The following ADK variants were observed in gnomAD, a reference collection of about 807,000 sequenced individuals.
The protein encoded by ADK is N6,N6-dimethyladenosine kinase.
A neutral mutation model predicts 44.7 loss-of-function variants in ADK; 24 were observed. The ratio of observed to expected loss-of-function variants is 0.54; its 90% CI spans 0.39 to 0.76. ADK has a LOEUF of 0.76. ADK is among the 30% of genes least tolerant of loss of function. ADK has a pLI of 0.00. For missense variants in ADK, 321 were observed against 425.1 expected, an observed-to-expected ratio of 0.76 and a Z score of 2.15; for synonymous variants, 128 against 142.6, an observed-to-expected ratio of 0.90 and a Z score of 0.73.
intron 9 of ADK, among the ~76,000 whole-genome samples, chr10:74,646,380 A>G (rs749996703): frequency 6.6e-6 from 1 of 152,248 alleles, no homozygotes; most frequent in Non-Finnish European, 1.5e-5. Flanking sequence ...CCCATTGGAC[A>G]TGAGAGTAGG....
chr10:74,581,021 T>TACACAC lies in ADK; in HGVS notation c.727-8232_727-8227dup, dbSNP rs143153735. Among the ~76,000 whole-genome samples, 1,294 of 145,320 alleles carry TACACAC rather than the reference T, an allele frequency of 8.9e-3. 7 individuals are homozygous for TACACAC. The highest frequency in any genetic ancestry group is 0.02 in the African/African-American group (778 of 39,264). On this transcript the variant is annotated intron_variant, in intron 7 of 10. Transcript: ENST00000539909. Reference sequence around the variant, plus strand: ...CCTATCTCAGTCAATCAATAATAAATACACACACACACACACACACACACA... The same window carrying TACACAC: ...CCTATCTCAGTCAATCAATAATAAATACACACACACACACACACACACACACACACA...
chr10:74,414,643 G>A (rs1214095229), intron 6 of ADK, among the ~76,000 whole-genome samples: 2 of 152,140 alleles, frequency 1.3e-5, no homozygotes, highest in East Asian at 3.9e-4. Flanking sequence ...GCTGAGGCAG[G>A]AGAATGGCTT....
intron 6 of ADK, among the ~76,000 whole-genome samples, chr10:74,430,383 A>C (rs1352783266): frequency 6.6e-6 from 1 of 152,172 alleles, no homozygotes; most frequent in Non-Finnish European, 1.5e-5. Flanking sequence ...ACCTATTGAA[A>C]GACATCTTGG....
chr10:74,386,989 C>A (rs932443241), intron 4 of ADK, among the ~76,000 whole-genome samples: 3 of 150,982 alleles, frequency 2.0e-5, no homozygotes, highest in Non-Finnish European at 4.4e-5. Flanking sequence ...CAGGCTGTAG[C>A]GCAGTGGCGG....
intron 7 of ADK, among the ~76,000 whole-genome samples, chr10:74,563,782 T>C (rs1418401788): frequency 6.6e-6 from 1 of 152,240 alleles, no homozygotes; most frequent in Non-Finnish European, 1.5e-5. Flanking sequence ...GTGGATACTG[T>C]TGTATAATAA....
chr10:74,293,738 A>G (rs1373495113), intron 3 of ADK, among the ~76,000 whole-genome samples: 1 of 152,224 alleles, frequency 6.6e-6, no homozygotes, highest in Non-Finnish European at 1.5e-5. Flanking sequence ...ATTTTCATAG[A>G]TGCTAGAAGA....
At chr10:74,285,858 A>G (rs1162012560) in intron 3 of ADK, among the ~76,000 whole-genome samples, 1 of 152,182 alleles carries the variant, frequency 6.6e-6, no homozygotes. Flanking sequence ...GGTTATAGTC[A>G]GGTTGGGACT....
intron 6 of ADK, among the ~76,000 whole-genome samples, chr10:74,493,584 A>G (rs1045840050): frequency 1.3e-5 from 2 of 149,996 alleles, no homozygotes; most frequent in Admixed American, 1.3e-4. Flanking sequence ...AGGTCTCCAT[A>G]TGTTGCCCAG....
chr10:74,670,307 A>C, intron 10 of ADK, 38 bp downstream of exon 10: 1 of 1,493,166 alleles, frequency 6.7e-7, no homozygotes, highest in East Asian at 2.3e-5. Context: ...TTACAAGTAA[A>C]ACATTTTAAC....
intron 10 of ADK, among the ~76,000 whole-genome samples, chr10:74,695,259 T>C (rs1467489181): frequency 2.0e-5 from 3 of 152,188 alleles, no homozygotes; most frequent in Non-Finnish European, 4.4e-5. Context: ...AATCAACTTA[T>C]CAGGTTCCCA....
rs138987791 is a variant in ADK at position 74,166,006 on chromosome 10, G to T, written c.65+14663G>T. The stretch of plus-strand genomic sequence containing the variant: ...TCTGTTGCCCAGGCTGGAGTGCAGT[G>T]GCCTCCTGGGTACACTTCCACTTCC... On this transcript the variant is annotated intron_variant, in intron 1 of 10. Coordinates refer to ENST00000539909, the MANE Select transcript of ADK (RefSeq NM_006721.4). 9.3e-4 allele frequency among the ~76,000 whole-genome samples: 142 copies of T among 152,192 alleles called. 1 individual carries two copies. In the East Asian group the frequency reaches 0.025, roughly 27 times the overall value.
At chr10:74,684,639 G>A (rs1380317680) in intron 10 of ADK, among the ~76,000 whole-genome samples, 1 of 152,060 alleles carries the variant, frequency 6.6e-6, no homozygotes, top group East Asian at 1.9e-4. Context: ...GGGCATGGTG[G>A]TGCACACCTA....
chr10:74,654,386 G>A (rs144619165), intron 9 of ADK, among the ~76,000 whole-genome samples: 206 of 152,300 alleles, frequency 1.4e-3, no homozygotes, highest in African/African-American at 4.7e-3. Context: ...CGCCCTAAGA[G>A]TCCATGGTCT....
chr10:74,406,523 TAATAAG>T (rs1398966079), intron 6 of ADK, among the ~76,000 whole-genome samples: 6,464 of 55,730 alleles, frequency 0.12, 208 homozygotes, highest in East Asian at 0.25. Flanking sequence ...ATAATAATAA[TAATAAG>T]AAGAAGAAGA....
At chr10:74,706,476 C>CT (rs1246402206) in intron 10 of ADK, among the ~76,000 whole-genome samples, 3 of 151,846 alleles carry the variant, frequency 2.0e-5, no homozygotes, top group African/African-American at 4.8e-5. Flanking sequence ...GGTTGAAATG[C>CT]TTTTTTTTCA....
rs539201264 is a variant in ADK, at chr10:74,408,582, C to T, written c.555+10003C>T. On this transcript the variant is annotated intron_variant, in intron 6 of 10. Coordinates refer to ENST00000539909, the MANE Select transcript of ADK (RefSeq NM_006721.4). ...TGAGGGTTCTGGGCACTGACCCCTT[C>T]GAAAATCCACATACAATGTTTACCT... Among the ~76,000 whole-genome samples the T allele has an allele frequency of 4.4e-4, 67 of 152,144 alleles. No homozygotes were observed. In the South Asian group the frequency reaches 0.013, roughly 29 times the overall value.
intron 4 of ADK, among the ~76,000 whole-genome samples, chr10:74,356,002 A>ATATTTGTT (rs57958159): frequency 1.2e-5 from 1 of 83,306 alleles, no homozygotes; most frequent in Non-Finnish European, 2.2e-5. Flanking sequence ...TAAATAATTC[A>ATATTTGTT]TTTTTTTTTT....
chr10:74,667,825 G>A (rs1052488728), intron 9 of ADK, among the ~76,000 whole-genome samples: 1 of 152,046 alleles, frequency 6.6e-6, no homozygotes, highest in African/African-American at 2.4e-5. Flanking sequence ...GAGCCACCAT[G>A]CCTGACCAGA....
intron 2 of ADK, among the ~76,000 whole-genome samples, chr10:74,202,067 A>G (rs1843417857): frequency 6.6e-6 from 1 of 152,172 alleles, no homozygotes; most frequent in Non-Finnish European, 1.5e-5. Flanking sequence ...ATGAAATCCC[A>G]TACCCAGTAA....
Sources: gnomAD v4.1 joint callset for allele counts (sites outside exome capture counted in the v4.1 genomes callset) on GRCh38, gnomAD v4.1.1 for gene constraint, MANE v1.5 for transcripts, NCBI Gene and HGNC (gene_info 2026-07-23, HGNC 2026-07-21) for gene names.